Variants in SYMPK observed in about 807,000 individuals in gnomAD.
The protein encoded by SYMPK is symplekin scaffold protein, also known as symplekin.
Under a neutral mutation model 136.4 loss-of-function variants are expected in SYMPK, and 49 were observed. That is an observed-to-expected ratio of 0.36 (90% CI 0.29 to 0.46). The LOEUF is 0.46. Ranked by LOEUF, SYMPK falls within the 20% of genes least tolerant of loss-of-function variation. The pLI is 1.00. For missense variants in SYMPK, 1,365 were observed against 1,690.0 expected (o/e 0.81, Z 3.37); for synonymous variants, 766 against 713.0 (o/e 1.07, Z -1.19).
intron 1 of SYMPK, chr19:45,862,537 G>A (rs1417729955): frequency 6.6e-6 from 1 of 152,490 alleles, no homozygotes; most frequent in African/African-American, 2.4e-5. Context: ...ACAGATAAGA[G>A]TCGGATAACA....
intron 5 of SYMPK, among the ~76,000 whole-genome samples, chr19:45,849,626 C>T (rs1176244735): frequency 2.0e-5 from 3 of 152,212 alleles, no homozygotes; most frequent in Non-Finnish European, 2.9e-5. Context: ...ATGCCTGGTA[C>T]GACAGCAGTC....
chr19:45,854,523 G>A lies in SYMPK; in HGVS notation c.-12-16C>T, dbSNP rs760678604. The A allele has an allele frequency of 5.9e-5, 94 of 1,602,618 alleles. No homozygotes were observed. The highest frequency in any genetic ancestry group is 6.7e-5 in the East Asian group (3 of 44,836). On this transcript the variant is annotated splice_polypyrimidine_tract_variant and intron_variant, in intron 1 of 26. Transcript: ENST00000245934. ...CTGCTGTCAGCTTGTCCCCAGGAAA[G>A]AAGAGGATGGATCAAGCTCAGGGAA...
intron 9 of SYMPK, among the ~76,000 whole-genome samples, chr19:45,841,919 A>T (rs1971448300): frequency 6.6e-6 from 1 of 152,064 alleles, no homozygotes; most frequent in Non-Finnish European, 1.5e-5. Context: ...TAAATAATGC[A>T]TAATTTATTA....
chr19:45,850,542 T>C (rs2146339502), intron 5 of SYMPK, among the ~76,000 whole-genome samples: 1 of 152,340 alleles, frequency 6.6e-6, no homozygotes. Context: ...CTGAGCCTGT[T>C]TCCCTTTCTG....
chr19:45,817,999 C>G lies in SYMPK; in HGVS notation c.3041G>C (p.Gly1014Ala). 1 of 1,578,838 alleles carries G rather than the reference C, an allele frequency of 6.3e-7. No homozygotes were observed. The highest frequency in any genetic ancestry group is 8.6e-7 in the Non-Finnish European group (1 of 1,162,094). The change falls in exon 23 of 27, where the codon GGC becomes GCC. Residue 1014 changes from glycine (G) to alanine (A), a missense_variant. Physicochemically the swap from Gly to Ala is moderately conservative, Grantham distance 60 (BLOSUM62 0). Transcript: ENST00000245934. ...QSLTMYPRLGGFVMNILSRLI... is the reference protein window; with the variant it reads ...QSLTMYPRLGAFVMNILSRLI... ...GCGGGACAGGATGTTCATGACGAAG[C>G]CCCCCAGGCGGGGGTACATGGTCAG... is the stretch of plus-strand genomic sequence containing the variant.
rs1345444238 is a variant in SYMPK at position 45,815,942 on chromosome 19, T to G, written c.3596A>C (p.Glu1199Ala). The change falls in exon 26 of 27, where the codon GAG becomes GCG. Residue 1199 changes from glutamate to alanine, a missense_variant. Physicochemically the swap from Glu to Ala is moderately radical, Grantham distance 107. Around this residue, in one of 11 missense-constraint regions of SYMPK, gnomAD observed 341 missense variants for 270.5 expected, o/e 1.26. Transcript: ENST00000245934. ...CATGCTGATGAAGATGCCCGGGGTC[T>G]CGCACTCAGGCCCCTCCTCCCGGAA... Reference protein sequence around the residue: ...MDFREEGPECETPGIFISMDD... With the variant: ...MDFREEGPECATPGIFISMDD... 1 of 1,611,564 alleles carries G rather than the reference T, an allele frequency of 6.2e-7. No homozygotes were observed. The highest frequency in any genetic ancestry group is 1.7e-5 in the Admixed American group (1 of 59,886).
Position 45,829,065 on chromosome 19 carries a change from G to A in SYMPK, c.1890C>T (p.Tyr630=), listed in dbSNP as rs1971111160. ...GGGAGCCCGAGGCACCTGCGGCCAG[G>A]TAGGCGTTGTACTCCTGGTAGAGCC... ...FAWLYQEYNA[Y]LAAGASGSLD... is the part of the protein sequence containing the mutation. Residue 630 remains tyrosine (Y), a synonymous_variant, in exon 14 of 27, where the codon TAC becomes TAT. Coordinates refer to ENST00000245934, the MANE Select transcript of SYMPK (RefSeq NM_004819.3). 1.2e-6 allele frequency: 2 copies of A among 1,614,090 alleles called. No individual in the cohort carries two copies. Among genetic ancestry groups the A allele is most frequent in the African/African-American group, 2.7e-5 (2 of 74,932 alleles).
intron 6 of SYMPK, among the ~76,000 whole-genome samples, chr19:45,848,384 A>C (rs1323957048): frequency 6.6e-6 from 1 of 152,202 alleles, no homozygotes; most frequent in African/African-American, 2.4e-5. Flanking sequence ...TCCATAATCA[A>C]TATTTATGTG....
chr19:45,827,074 G>A (rs1971057572), intron 16 of SYMPK, among the ~76,000 whole-genome samples: 1 of 152,138 alleles, frequency 6.6e-6, no homozygotes, highest in African/African-American at 2.4e-5. Context: ...CCCCAGGGCA[G>A]CCACACACTG....
intron 1 of SYMPK, among the ~76,000 whole-genome samples, chr19:45,859,000 T>C (rs1019021038): frequency 1.3e-5 from 2 of 151,570 alleles, no homozygotes; most frequent in Admixed American, 6.6e-5. Flanking sequence ...CTTGAACTCC[T>C]GCACTCAAGC....
At chr19:45,856,456 A>G (rs78686653) in intron 1 of SYMPK, among the ~76,000 whole-genome samples, 3,066 of 152,276 alleles carry the variant, frequency 0.02, 88 homozygotes, top group African/African-American at 0.069. Context: ...GTTTATGTAT[A>G]CGCAGAATGA....
rs985298540 is a variant in SYMPK at position 45,827,137 on chromosome 19, C to T, written c.2181+373G>A. On this transcript the variant is annotated intron_variant, in intron 16 of 26. Transcript: ENST00000245934. ...TCCTCACTGCTGGCTGAGGCCACAC[C>T]GGCTCCCCTGCTGGGCTGGGCAATG... 1.2e-4 allele frequency among the ~76,000 whole-genome samples: 19 copies of T among 152,280 alleles called. No homozygotes were observed. In the South Asian group the frequency reaches 3.1e-3, roughly 25 times the overall value.
Position 45,827,492 on chromosome 19 carries a change from A to G in SYMPK, c.2181+18T>C. 6.3e-7 allele frequency: 1 copy of G among 1,595,700 alleles called. No individual in the cohort carries two copies. Among genetic ancestry groups the G allele is most frequent in the Non-Finnish European group, 8.6e-7 (1 of 1,163,492 alleles). On this transcript the variant is annotated intron_variant, in intron 16 of 26. Coordinates refer to ENST00000245934, the MANE Select transcript of SYMPK (RefSeq NM_004819.3). ...AGCTGCAGGCTGAGGGCAGCCAGGA[A>G]GTGGAGGAGGGGATCACCTTGTCCT... is the stretch of plus-strand genomic sequence containing the variant.
intron 17 of SYMPK, 64 bp downstream of exon 17, chr19:45,826,162 G>A: frequency 6.5e-7 from 1 of 1,542,778 alleles, no homozygotes; most frequent in Non-Finnish European, 8.8e-7. Flanking sequence ...CATCCCCTCT[G>A]CTCGCAGGGC....
intron 25 of SYMPK, 46 bp downstream of exon 25, chr19:45,816,436 G>C (rs765817317): frequency 1.3e-6 from 2 of 1,581,120 alleles, no homozygotes; most frequent in Non-Finnish European, 1.7e-6. Context: ...TTGGGGTAGG[G>C]GGTGGGAGTC....
At chr19:45,823,733 G>A in intron 19 of SYMPK, 34 bp downstream of exon 19, 2 of 1,579,976 alleles carry the variant, frequency 1.3e-6, no homozygotes, top group Non-Finnish European at 1.7e-6. Context: ...GGAGAGGGAG[G>A]AAAGCCATGA....
At chr19:45,841,055 G>C (rs1438451170) in intron 9 of SYMPK, among the ~76,000 whole-genome samples, 1 of 150,586 alleles carries the variant, frequency 6.6e-6, no homozygotes, top group African/African-American at 2.4e-5. Context: ...GTGCAATCTT[G>C]GCTCACTGCA....
intron 9 of SYMPK, among the ~76,000 whole-genome samples, chr19:45,842,048 G>A (rs1971452575): frequency 6.6e-6 from 1 of 151,718 alleles, no homozygotes; most frequent in African/African-American, 2.4e-5. Flanking sequence ...TGTTGCCTAG[G>A]TTGGTCTTGA....
At chr19:45,819,005 G>GA (rs1236935735) in intron 22 of SYMPK, 2 of 87,030 alleles carry the variant, frequency 2.3e-5, no homozygotes, top group Non-Finnish European at 3.1e-5. Context: ...GTCTCTAAGG[G>GA]GGGGGGCGTA....
Sources: gnomAD v4.1 joint callset for allele counts (sites outside exome capture counted in the v4.1 genomes callset) on GRCh38, gnomAD v4.1.1 for gene constraint, gnomAD v4.1.1 regional missense constraint, MANE v1.5 for transcripts, NCBI Gene and HGNC (gene_info 2026-07-23, HGNC 2026-07-21) for gene names.